Variants in NOP56 observed in about 807,000 individuals in gnomAD.
NOP56 encodes the protein nucleolar protein 56.
NOP56 carries 31 observed loss-of-function variants against 58.3 expected under a neutral mutation model. That is an observed-to-expected ratio of 0.53 (90% CI 0.40 to 0.72). The LOEUF (loss-of-function observed/expected upper bound fraction) is 0.72. Ranked by LOEUF, NOP56 falls within the 30% of genes least tolerant of loss-of-function variation. The pLI, the probability that NOP56 is intolerant of heterozygous loss-of-function variation, is 0.00. For synonymous variants in NOP56, 313 were observed against 282.8 expected (o/e 1.11, Z -1.07); for missense variants, 669 against 739.9 (o/e 0.90, Z 1.11).
rs2086816730 is a variant in NOP56, at chr20:2,656,318, TGA to T, written c.1011-79_1011-78del. 3 of 1,604,156 alleles carry T rather than the reference TGA, an allele frequency of 1.9e-6. No individual in the cohort carries two copies. In the South Asian group the frequency reaches 3.3e-5, roughly 18 times the overall value. ...CTGAGGCTCACTCAGGACTTCGGGG[TGA>T]GAGGAGGGGAGGAGCTGAGCTGCCT... On this transcript the variant is annotated intron_variant, in intron 8 of 11. Coordinates refer to ENST00000329276, the MANE Select transcript of NOP56 (RefSeq NM_006392.4).
chr20:2,653,765 C>T (rs1600155576), intron 3 of NOP56: 1 of 242,574 alleles, frequency 4.1e-6, no homozygotes, highest in South Asian at 4.8e-5. Context: ...GATTCTCCTG[C>T]CTCAGCCTCC....
chr20:2,657,346 A>G (rs747176585), intron 11 of NOP56, 128 bp downstream of exon 11: 5 of 1,286,530 alleles, frequency 3.9e-6, no homozygotes, highest in Admixed American at 1.8e-5. Flanking sequence ...GACCTGAAAC[A>G]TCTAAAACTA....
chr20:2,655,273 T>C, intron 5 of NOP56, 52 bp from the exon 6 acceptor site: 1 of 1,606,172 alleles, frequency 6.2e-7, no homozygotes, highest in Non-Finnish European at 8.5e-7. Context: ...GCTGTAGCTC[T>C]ATGGTTTTTG....
Position 2,656,029 on chromosome 20 carries a change from G to C in NOP56, c.1005G>C (p.Leu335=), listed in dbSNP as rs1346221509. ...TVQILGAEKA[L]FRALKTRGNT... is the part of the protein sequence containing the mutation. The stretch of plus-strand genomic sequence containing the variant: ...AGATCCTTGGGGCTGAAAAGGCCCT[G>C]TTCAGGTACCAGTGAGGGCACCTGC... The change falls in exon 8 of 12, where the codon CTG becomes CTC. Residue 335 remains leucine, a synonymous_variant. Coordinates refer to ENST00000329276, the MANE Select transcript of NOP56 (RefSeq NM_006392.4). The C allele has an allele frequency of 6.2e-7, 1 of 1,614,062 alleles. No individual in the cohort carries two copies. Among genetic ancestry groups the C allele is most frequent in the Non-Finnish European group, 8.5e-7 (1 of 1,180,046 alleles).
At chr20:2,657,631 T>C (rs917979657) in intron 11 of NOP56, 24 of 516,150 alleles carry the variant, frequency 4.6e-5, no homozygotes, top group Non-Finnish European at 7.6e-5. Context: ...ACCCAGTTTC[T>C]TAAACAGTGT....
rs574159303 is a variant in NOP56 at position 2,658,374 on chromosome 20, A to G, written c.*80A>G. ...TTCCCACCCTGTGCCGTGTTCCCCAATAAAAACAAATTCACAAGAGTTGGT... is the reference window on the plus strand; with the variant it reads ...TTCCCACCCTGTGCCGTGTTCCCCAGTAAAAACAAATTCACAAGAGTTGGT... On this transcript the variant is annotated 3_prime_UTR_variant, in exon 12 of 12. Transcript: ENST00000329276. The G allele has an allele frequency of 2.0e-5, 32 of 1,609,394 alleles. No individual in the cohort carries two copies. Among genetic ancestry groups the G allele is most frequent in the African/African-American group, 8.0e-5 (6 of 75,024 alleles).
intron 9 of NOP56, 35 bp downstream of exon 9, chr20:2,656,584 G>T (rs764946688): frequency 2.5e-6 from 4 of 1,612,242 alleles, no homozygotes. Flanking sequence ...GTGTGAGAAG[G>T]GGCTGGGTGG....
rs1250152800 is a variant in NOP56, at chr20:2,657,088, A to C, written c.1289A>C (p.Glu430Ala). Reference sequence around the variant, plus strand: ...GCACTTTTCTTTGACCAGGCAGAGGAAGCGGCTGCTGAGATTACTAGGAAG... The same window carrying C: ...GCACTTTTCTTTGACCAGGCAGAGGCAGCGGCTGCTGAGATTACTAGGAAG... ...VMKEAMVQAE[E>A]AAAEITRKLE... is the part of the protein sequence containing the mutation. Residue 430 changes from glutamate (E) to alanine (A), a missense_variant, in exon 11 of 12, where the codon GAA becomes GCA. Physicochemically the swap from Glu to Ala is moderately radical, Grantham distance 107 (BLOSUM62 -1). Coordinates refer to ENST00000329276, the MANE Select transcript of NOP56 (RefSeq NM_006392.4). 2 of 1,614,100 alleles carry C rather than the reference A, an allele frequency of 1.2e-6. No individual in the cohort carries two copies. The highest frequency in any genetic ancestry group is 1.7e-6 in the Non-Finnish European group (2 of 1,180,024).
chr20:2,657,670 A>G (rs1768830339), intron 11 of NOP56: 1 of 516,588 alleles, frequency 1.9e-6, no homozygotes, highest in Non-Finnish European at 3.4e-6. Flanking sequence ...ACTTGGCATG[A>G]TGGTTCTGTT....
chr20:2,653,174 G>A, intron 2 of NOP56, 105 bp from the exon 3 acceptor site: 1 of 948,198 alleles, frequency 1.1e-6, no homozygotes, highest in Non-Finnish European at 1.7e-6. Context: ...TGGGGCCCAG[G>A]TATCAGCATA....
In NOP56 at chr20:2,657,140, AAAG is replaced by A; in HGVS notation, c.1345_1347del (p.Lys449del). On this transcript the variant is annotated inframe_deletion, in exon 11 of 12. Coordinates refer to ENST00000329276, the MANE Select transcript of NOP56 (RefSeq NM_006392.4). ...TGGAGAAACAGGAGAAGAAACGCTT[AAAG>A]AAGGAAAAGAAACGGCTGGCTGCAC... 6.2e-7 allele frequency: 1 copy of A among 1,614,180 alleles called. No homozygotes were observed. The highest frequency in any genetic ancestry group is 8.5e-7 in the Non-Finnish European group (1 of 1,180,032).
intron 8 of NOP56, 111 bp downstream of exon 8, chr20:2,656,145 C>CT: frequency 6.2e-7 from 1 of 1,610,798 alleles, no homozygotes; most frequent in Non-Finnish European, 8.5e-7. Flanking sequence ...CAGGCCTCTG[C>CT]TATGGGGGTG....
chr20:2,655,885 G>A, intron 7 of NOP56, 49 bp from the exon 8 acceptor site: 2 of 1,612,996 alleles, frequency 1.2e-6, no homozygotes, highest in Non-Finnish European at 1.7e-6. Flanking sequence ...GTGCAACTGG[G>A]CAGGTCAGCA....
In NOP56 at chr20:2,656,134, A is replaced by G. The variant is rs537970586; in HGVS notation, c.1010+100A>G. The stretch of plus-strand genomic sequence containing the variant: ...GGCTGACCAGGGCTCCCTGACCTAT[A>G]CAGGCCTCTGCTATGGGGGTGATGG... On this transcript the variant is annotated intron_variant, in intron 8 of 11. Coordinates refer to ENST00000329276, the MANE Select transcript of NOP56 (RefSeq NM_006392.4). 2.5e-6 allele frequency: 4 copies of G among 1,611,786 alleles called. No homozygotes were observed. The South Asian group carries it at 3.3e-5, about 13-fold the overall frequency.
chr20:2,653,172 A>G (rs1361543494), intron 2 of NOP56, 107 bp from the exon 3 acceptor site: 26 of 927,968 alleles, frequency 2.8e-5, no homozygotes, highest in Admixed American at 4.1e-5. Context: ...TGTGGGGCCC[A>G]GGTATCAGCA....
At chr20:2,652,709 C>A (rs773945028) in intron 1 of NOP56, 46 bp downstream of exon 1, 10 of 1,460,472 alleles carry the variant, frequency 6.8e-6, no homozygotes, top group Non-Finnish European at 9.0e-6. Flanking sequence ...GTGGGGGTTT[C>A]GGCCTGCGTT....
intron 8 of NOP56, 113 bp downstream of exon 8, chr20:2,656,147 A>T: frequency 6.2e-7 from 1 of 1,610,208 alleles, no homozygotes. Flanking sequence ...GGCCTCTGCT[A>T]TGGGGGTGAT....
At chr20:2,657,284 A>ATATG in intron 11 of NOP56, 66 bp downstream of exon 11, 2 of 1,603,356 alleles carry the variant, frequency 1.2e-6, no homozygotes, top group Non-Finnish European at 1.7e-6. Flanking sequence ...AGAACAAAGG[A>ATATG]TATGCTGCAT....
At position 2,655,321 on chromosome 20, in the gene NOP56, G is replaced by C. The variant is rs761288986; in HGVS notation, c.570-4G>C. 6.8e-6 allele frequency: 11 copies of C among 1,614,194 alleles called. No individual in the cohort carries two copies. In the East Asian group the frequency reaches 2.5e-4, roughly 36 times the overall value. ...GGCCAGGGAGTGACTGTGGCTCTTT[G>C]CAGGGAGTGGTACGGGTATCACTTT... On this transcript the variant is annotated splice_region_variant and splice_polypyrimidine_tract_variant and intron_variant, in intron 5 of 11. Coordinates refer to ENST00000329276, the MANE Select transcript of NOP56 (RefSeq NM_006392.4).
Sources: allele counts gnomAD v4.1 joint callset, GRCh38; gene constraint gnomAD v4.1.1; transcripts MANE v1.5; gene names NCBI Gene and HGNC (gene_info 2026-07-23, HGNC 2026-07-21).